Variants in CAMSAP1 observed in about 807,000 individuals in gnomAD.
CAMSAP1 encodes the protein calmodulin-regulated spectrin-associated protein 1.
CAMSAP1 carries 58 observed loss-of-function variants against 143.5 expected under a neutral mutation model. The ratio of observed to expected loss-of-function variants is 0.40; its 90% CI spans 0.33 to 0.50. The LOEUF (loss-of-function observed/expected upper bound fraction) is 0.50, where lower values mean the gene tolerates loss of function less well. Among genes scored for constraint, CAMSAP1 ranks in the 20% least tolerant of loss-of-function variants. The pLI is 0.45. For missense variants in CAMSAP1, 1,969 were observed against 2,115.7 expected (o/e 0.93, Z 1.36); for synonymous variants, 945 against 859.3 (o/e 1.10, Z -1.74).
At chr9:135,851,989 A>G (rs1047679914) in intron 5 of CAMSAP1, among the ~76,000 whole-genome samples, 3 of 151,868 alleles carry the variant, frequency 2.0e-5, no homozygotes, top group Admixed American at 6.6e-5. Flanking sequence ...CACCCACAGC[A>G]CTCCACAGCT....
At chr9:135,841,573 G>A (rs1836354720) in intron 7 of CAMSAP1, among the ~76,000 whole-genome samples, 1 of 152,314 alleles carries the variant, frequency 6.6e-6, no homozygotes, top group Admixed American at 6.5e-5. Flanking sequence ...TCCCAGCAGG[G>A]GTCAACAGAC....
At chr9:135,833,799 A>G (rs150109990) in intron 7 of CAMSAP1, among the ~76,000 whole-genome samples, 101 of 152,352 alleles carry the variant, frequency 6.6e-4, no homozygotes, top group African/African-American at 2.3e-3. Context: ...ACTAACAAAA[A>G]CAAAAATAAA....
intron 1 of CAMSAP1, among the ~76,000 whole-genome samples, chr9:135,903,804 G>A (rs1371102191): frequency 6.6e-6 from 1 of 152,218 alleles, no homozygotes; most frequent in Non-Finnish European, 1.5e-5. Context: ...CTAAGCTGGA[G>A]AGGTACATGG....
intron 5 of CAMSAP1, among the ~76,000 whole-genome samples, chr9:135,854,998 C>CT (rs946147549): frequency 5.6e-4 from 82 of 147,344 alleles, no homozygotes; most frequent in Middle Eastern, 3.4e-3. Flanking sequence ...TTAGCTCCCA[C>CT]TTTTTTTTTT....
chr9:135,906,638 G>A (rs1838786034), intron 1 of CAMSAP1, among the ~76,000 whole-genome samples: 1 of 152,230 alleles, frequency 6.6e-6, no homozygotes, highest in South Asian at 2.1e-4. Context: ...GCGCCGGGAA[G>A]CGGCGCCTCA....
Position 135,907,077 on chromosome 9 carries a change from G to T in CAMSAP1, c.83C>A (p.Pro28His). ...GCGCGCCGCGTCGTAGCGGTCCAGGGGCACGAGGTCGGCGGCGCCGTCCGG... is the reference window on the plus strand; with the variant it reads ...GCGCGCCGCGTCGTAGCGGTCCAGGTGCACGAGGTCGGCGGCGCCGTCCGG... ...APPDGAADLV[P>H]LDRYDAARAK... The change falls in exon 1 of 17, where the codon CCC (proline) becomes CAC (histidine). Residue 28 changes from proline (P) to histidine (H), a missense_variant. By Grantham distance (77) the Pro-to-His change is moderately conservative. Coordinates refer to ENST00000389532, the MANE Select transcript of CAMSAP1 (RefSeq NM_015447.4). 2 of 1,169,206 alleles carry T rather than the reference G, an allele frequency of 1.7e-6. No homozygotes were observed. Among genetic ancestry groups the T allele is most frequent in the Non-Finnish European group, 2.1e-6 (2 of 941,722 alleles). The allele number at this position is 1,169,206 out of a possible 1,614,324, so 72.4% of individuals were successfully genotyped here. A position where few individuals can be genotyped will look rare whatever the true frequency, so the allele number is the denominator to read the frequency against.
At chr9:135,835,332 C>A (rs1444099827) in intron 7 of CAMSAP1, among the ~76,000 whole-genome samples, 1 of 152,164 alleles carries the variant, frequency 6.6e-6, no homozygotes, top group Admixed American at 6.5e-5. Context: ...CCCTTCAGTA[C>A]ACCAGGGCTG....
intron 16 of CAMSAP1, among the ~76,000 whole-genome samples, chr9:135,814,859 T>C (rs538755180): frequency 1.3e-5 from 2 of 152,328 alleles, no homozygotes; most frequent in South Asian, 4.1e-4. Context: ...CATGAGGATG[T>C]AGCCTCTGAA....
Position 135,816,750 on chromosome 9 carries a change from C to T in CAMSAP1, c.4272-745G>A, listed in dbSNP as rs1364349439. Among the ~76,000 whole-genome samples, 6 of 152,276 alleles carry T rather than the reference C, an allele frequency of 3.9e-5. 1 individual carries two copies. The highest frequency in any genetic ancestry group is 4.1e-4 in the South Asian group (2 of 4,828). ...AGGTGCACACAGAGCAGGAGCCACA[C>T]GCTGTGCATATAAAAATAAAGGGAC... On this transcript the variant is annotated intron_variant, in intron 14 of 16. Coordinates refer to ENST00000389532, the MANE Select transcript of CAMSAP1 (RefSeq NM_015447.4).
chr9:135,820,750 C>T lies in CAMSAP1; in HGVS notation c.3822+89G>A. On this transcript the variant is annotated intron_variant, in intron 11 of 16. Coordinates refer to ENST00000389532, the MANE Select transcript of CAMSAP1 (RefSeq NM_015447.4). This position sits in a 1 kb window ranked among gnomAD's most constrained non-coding sequence, Gnocchi z 4.4. Reference sequence around the variant, plus strand: ...GCCTCTTACAGGAGCGGCTGGCCAGCCTGGTGCAGATCTGTGTTCTCTAAC... The same window carrying T: ...GCCTCTTACAGGAGCGGCTGGCCAGTCTGGTGCAGATCTGTGTTCTCTAAC... 2 of 1,509,956 alleles carry T rather than the reference C, an allele frequency of 1.3e-6. No homozygotes were observed. Among genetic ancestry groups the T allele is most frequent in the Non-Finnish European group, 8.9e-7 (1 of 1,124,802 alleles). The allele number at this position is 1,509,956 out of a possible 1,614,324, so 93.5% of individuals were successfully genotyped here.
Position 135,880,772 on chromosome 9 carries a change from C to T in CAMSAP1, c.585+861G>A, listed in dbSNP as rs141180947. Among the ~76,000 whole-genome samples the T allele has an allele frequency of 3.0e-4, 46 of 152,314 alleles. 1 individual carries two copies. In the East Asian group the frequency reaches 8.7e-3, roughly 29 times the overall value. On this transcript the variant is annotated intron_variant, in intron 3 of 16. Coordinates refer to ENST00000389532, the MANE Select transcript of CAMSAP1 (RefSeq NM_015447.4). ...GCCACACAACCTTCTAGTTCCTTTG[C>T]TGTGTTAATGCGCAAACTTAAACAC...
At chr9:135,887,519 T>G (rs1265970846) in intron 1 of CAMSAP1, among the ~76,000 whole-genome samples, 2 of 151,848 alleles carry the variant, frequency 1.3e-5, no homozygotes, top group East Asian at 3.9e-4. Flanking sequence ...GAAAACCCAA[T>G]CAATGGGAGA....
chr9:135,815,540 C>T (rs995781653), intron 15 of CAMSAP1, among the ~76,000 whole-genome samples: 1 of 152,244 alleles, frequency 6.6e-6, no homozygotes, highest in Non-Finnish European at 1.5e-5. Flanking sequence ...ACCTCAGCCA[C>T]AGCAGCACCT....
intron 1 of CAMSAP1, among the ~76,000 whole-genome samples, chr9:135,896,415 G>A (rs1040711911): frequency 5.3e-5 from 8 of 151,992 alleles, no homozygotes; most frequent in African/African-American, 2.4e-5. Flanking sequence ...CTAAAAAGAG[G>A]AACAGACAAA....
intron 7 of CAMSAP1, 63 bp from the exon 8 acceptor site, chr9:135,827,647 C>G: frequency 7.2e-7 from 1 of 1,395,938 alleles, no homozygotes; most frequent in Non-Finnish European, 9.4e-7. Flanking sequence ...GAAAACCTAA[C>G]CTGCAGCTTT....
At chr9:135,863,618 T>C (rs919821800) in intron 4 of CAMSAP1, among the ~76,000 whole-genome samples, 1 of 152,222 alleles carries the variant, frequency 6.6e-6, no homozygotes, top group Non-Finnish European at 1.5e-5. Context: ...AAGTACATCA[T>C]GTAGAATAAT....
intron 5 of CAMSAP1, among the ~76,000 whole-genome samples, chr9:135,858,103 G>A (rs1300114994): frequency 6.6e-6 from 1 of 151,380 alleles, no homozygotes. Context: ...GGTCCTATAG[G>A]ATGAGCCTCT....
intron 5 of CAMSAP1, among the ~76,000 whole-genome samples, chr9:135,858,591 C>A (rs564115248): frequency 1.5e-4 from 23 of 152,230 alleles, no homozygotes; most frequent in African/African-American, 5.5e-4. Flanking sequence ...TCCAGACAGA[C>A]AGAACCAGTA....
At chr9:135,905,584 C>T (rs1207147786) in intron 1 of CAMSAP1, among the ~76,000 whole-genome samples, 1 of 152,174 alleles carries the variant, frequency 6.6e-6, no homozygotes, top group Non-Finnish European at 1.5e-5. Context: ...CACTCCACAG[C>T]AGCGGAAATG....
Sources: gnomAD v4.1 joint callset for allele counts (sites outside exome capture counted in the v4.1 genomes callset) on GRCh38, gnomAD v4.1.1 for gene constraint, Gnocchi (gnomAD v3.1) non-coding constraint, MANE v1.5 for transcripts, NCBI Gene and HGNC (gene_info 2026-07-23, HGNC 2026-07-21) for gene names.